Variants in DNAJA3 observed in about 807,000 individuals in gnomAD.
DNAJA3 encodes the protein DnaJ heat shock protein family (Hsp40) member A3.
DNAJA3 carries 29 observed loss-of-function variants against 54.9 expected under a neutral mutation model. The observed-to-expected ratio is 0.53, with a 90% CI of 0.39 to 0.72. The LOEUF (loss-of-function observed/expected upper bound fraction) is 0.72, where lower values mean the gene tolerates loss of function less well. DNAJA3 is among the 30% of genes least tolerant of loss of function. The pLI, the probability that DNAJA3 is intolerant of heterozygous loss-of-function variation, is 0.00. For missense variants in DNAJA3, 708 were observed against 639.4 expected (o/e 1.11, Z -1.16); for synonymous variants, 302 against 251.4 (o/e 1.20, Z -1.90).
chr16:4,434,294 T>A, intron 1 of DNAJA3, 90 bp from the exon 2 acceptor site: 1 of 1,434,010 alleles, frequency 7.0e-7, no homozygotes. Context: ...GTTTGTTCCT[T>A]CACAGATATA....
intron 1 of DNAJA3, among the ~76,000 whole-genome samples, chr16:4,426,560 T>TA (rs949877304): frequency 1.5e-4 from 23 of 152,380 alleles, no homozygotes; most frequent in African/African-American, 2.4e-5. Flanking sequence ...GTCATGGAGT[T>TA]AGACTAGAAG....
At chr16:4,454,700 C>T (rs981749381) in intron 10 of DNAJA3, 111 bp from the exon 11 acceptor site, 5 of 720,304 alleles carry the variant, frequency 6.9e-6, no homozygotes, top group African/African-American at 1.8e-5. Context: ...GGCACTTGGC[C>T]GCTTCTTGAA....
rs1186689425 is a variant in DNAJA3, at chr16:4,453,633, C to T, written c.1340-1178C>T. 3.9e-5 allele frequency among the ~76,000 whole-genome samples: 6 copies of T among 152,120 alleles called. No homozygotes were observed. The East Asian group carries it at 1.2e-3, about 29-fold the overall frequency. ...GTATTTTAGTAGAGATGGGTTTCAC[C>T]ATGTTCGAGGCCGGTCTCGAACTCC... On this transcript the variant is annotated intron_variant, in intron 10 of 11. Transcript: ENST00000262375.
chr16:4,446,280 G>A (rs1207758759), intron 7 of DNAJA3, among the ~76,000 whole-genome samples: 3 of 136,644 alleles, frequency 2.2e-5, no homozygotes, highest in Non-Finnish European at 4.6e-5. Context: ...GTCTCGCTCT[G>A]TTGCTCAGGC....
intron 6 of DNAJA3, among the ~76,000 whole-genome samples, chr16:4,443,459 A>G (rs1377223956): frequency 1.3e-5 from 2 of 151,562 alleles, no homozygotes; most frequent in African/African-American, 4.8e-5. Context: ...GCAGCTTCCA[A>G]CCCCCGGGCT....
At chr16:4,430,398 C>G (rs1355167258) in intron 1 of DNAJA3, 10 of 151,836 alleles carry the variant, frequency 6.6e-5, no homozygotes, top group African/African-American at 1.9e-4. Flanking sequence ...CTTGTCTCTA[C>G]TAAAAATAGA....
intron 1 of DNAJA3, 76 bp downstream of exon 1, chr16:4,426,168 C>A: frequency 7.1e-7 from 1 of 1,399,772 alleles, no homozygotes; most frequent in Non-Finnish European, 9.4e-7. Context: ...GTGACTACGG[C>A]TGCAGGGGTA....
intron 3 of DNAJA3, among the ~76,000 whole-genome samples, chr16:4,440,104 A>AT (rs1429808256): frequency 1.3e-5 from 2 of 151,640 alleles, no homozygotes; most frequent in Non-Finnish European, 2.9e-5. Flanking sequence ...TTCTTGGTTA[A>AT]TTTTTTTGTA....
intron 8 of DNAJA3, among the ~76,000 whole-genome samples, chr16:4,448,406 C>G (rs1376242051): frequency 1.3e-5 from 2 of 152,068 alleles, no homozygotes; most frequent in African/African-American, 4.8e-5. Flanking sequence ...TGCAATGGCA[C>G]AATCTTGGCT....
Position 4,448,766 on chromosome 16 carries a change from C to G in DNAJA3, c.1159C>G (p.Arg387Gly). ...PPGTQTDQKI[R>G]MGGKGIPRIN... ...TGGGACTCAGACAGACCAGAAGATT[C>G]GGATGGGTGGGAAAGGCATCCCCCG... is the stretch of plus-strand genomic sequence containing the variant. The change falls in exon 9 of 12, where the codon CGG becomes GGG. Residue 387 changes from arginine (R) to glycine (G), a missense_variant. Coordinates refer to ENST00000262375, the MANE Select transcript of DNAJA3 (RefSeq NM_005147.6). The G allele has an allele frequency of 2.5e-6, 4 of 1,614,076 alleles. No individual in the cohort carries two copies. Among genetic ancestry groups the G allele is most frequent in the Non-Finnish European group, 3.4e-6 (4 of 1,179,974 alleles).
chr16:4,437,957 A>G (rs1049017820), intron 3 of DNAJA3, among the ~76,000 whole-genome samples: 1 of 151,858 alleles, frequency 6.6e-6, no homozygotes, highest in Non-Finnish European at 1.5e-5. Context: ...CCTTCTCTCA[A>G]AAAATAAAAA....
rs2056617034 is a variant in DNAJA3, at chr16:4,426,013, C to T, written c.132C>T (p.Ser44=). 1.9e-6 allele frequency: 3 copies of T among 1,606,818 alleles called. No homozygotes were observed. The highest frequency in any genetic ancestry group is 1.3e-5 in the African/African-American group (1 of 74,372). ...VVGAWLSRKL[S]VPAFASSLTS... Reference sequence around the variant, plus strand: ...GGGCATGGCTGAGCCGCAAGCTGAGCGTCCCCGCCTTTGCGTCTTCCCTGA... The same window carrying T: ...GGGCATGGCTGAGCCGCAAGCTGAGTGTCCCCGCCTTTGCGTCTTCCCTGA... The change falls in exon 1 of 12, where the codon AGC becomes AGT. Residue 44 remains serine, a synonymous_variant. Transcript: ENST00000262375.
In DNAJA3 at chr16:4,450,439, C is replaced by T. The variant is rs143972172; in HGVS notation, c.1281C>T (p.Tyr427=). 3,040 of 1,612,028 alleles carry T rather than the reference C, an allele frequency of 1.9e-3. 5 individuals carry two copies. The highest frequency in any genetic ancestry group is 2.2e-3 in the Non-Finnish European group (2,537 of 1,179,392). ...GGCAGCAGAGCCTGATCCTGAGCTA[C>T]GCCGAGGACGAGACAGATGTGGAGG... ...TSRQQSLILS[Y]AEDETDVEGT... Residue 427 remains tyrosine, a synonymous_variant, in exon 10 of 12, where the codon TAC becomes TAT. Coordinates refer to ENST00000262375, the MANE Select transcript of DNAJA3 (RefSeq NM_005147.6).
intron 1 of DNAJA3, 60 bp downstream of exon 1, chr16:4,426,152 C>T (rs1184688836): frequency 1.4e-6 from 2 of 1,442,922 alleles, no homozygotes; most frequent in East Asian, 2.8e-5. Context: ...AGTGAGTCTC[C>T]TCGCTGTGAC....
At chr16:4,445,354 A>G (rs1208147700) in intron 7 of DNAJA3, among the ~76,000 whole-genome samples, 1 of 152,216 alleles carries the variant, frequency 6.6e-6, no homozygotes, top group Non-Finnish European at 1.5e-5. Flanking sequence ...GCAGGGATGG[A>G]AGGCAGCTTG....
chr16:4,454,940 TG>T lies in DNAJA3; in HGVS notation c.*13+15del, dbSNP rs1466193718. On this transcript the variant is annotated intron_variant, in intron 11 of 11. Transcript: ENST00000262375. ...TATCCCAGCCGAGGTAGGAAAACCC[TG>T]GAGGTTTTTTTTCCCTTTGTTTTCC... The T allele has an allele frequency of 6.4e-7, 1 of 1,569,540 alleles. No individual in the cohort carries two copies. Among genetic ancestry groups the T allele is most frequent in the Admixed American group, 1.7e-5 (1 of 59,024 alleles).
At position 4,447,117 on chromosome 16, in the gene DNAJA3, A is replaced by G. The variant is rs1438232517; in HGVS notation, c.1125+103A>G. ...GGCCTGGAACCCATGAGTGACCAGC[A>G]TGTGGGGGGGCACTCACAGGGGAGG... On this transcript the variant is annotated intron_variant, in intron 8 of 11. Transcript: ENST00000262375. 30 of 1,390,956 alleles carry G rather than the reference A, an allele frequency of 2.2e-5. No homozygotes were observed. The East Asian group carries it at 7.1e-4, about 33-fold the overall frequency. The allele number at this position is 1,390,956 out of a possible 1,614,324, so 86.2% of individuals were successfully genotyped here.
At chr16:4,449,694 G>T (rs2056952980) in intron 9 of DNAJA3, 2 of 152,232 alleles carry the variant, frequency 1.3e-5, no homozygotes, top group African/African-American at 2.4e-5. Flanking sequence ...TCTTGTTGAT[G>T]TTACTAGCAC....
chr16:4,454,110 C>T (rs1466042229), intron 10 of DNAJA3, among the ~76,000 whole-genome samples: 1 of 152,160 alleles, frequency 6.6e-6, no homozygotes, highest in Admixed American at 6.6e-5. Flanking sequence ...CAAATGGGGA[C>T]AACTTGCTCA....
Sources: allele counts gnomAD v4.1 joint callset (sites outside exome capture counted in the v4.1 genomes callset), GRCh38; gene constraint gnomAD v4.1.1; transcripts MANE v1.5; gene names NCBI Gene and HGNC (gene_info 2026-07-23, HGNC 2026-07-21).